SH3BGRL2: variants seen among roughly 807,000 people sequenced by gnomAD.
The protein encoded by SH3BGRL2 is SH3 domain-binding glutamic acid-rich-like protein 2.
A neutral mutation model predicts 14.8 loss-of-function variants in SH3BGRL2; 21 were observed. That is an observed-to-expected ratio of 1.42 (90% CI 1.01 to 2.05). The LOEUF is 2.05. Ranked by LOEUF, SH3BGRL2 falls within the 30% of genes most tolerant of loss-of-function variation. The pLI is 0.00. For synonymous variants in SH3BGRL2, 50 were observed against 47.8 expected, an observed-to-expected ratio of 1.05 and a Z score of -0.19; for missense variants, 147 against 130.8, an observed-to-expected ratio of 1.12 and a Z score of -0.61.
the SH3BGRL2 span, among the ~76,000 whole-genome samples, chr6:79,597,130 T>C: frequency 1.3e-5 from 2 of 151,840 alleles, no homozygotes; most frequent in Non-Finnish European, 2.9e-5. Context: ...CTCAAAAAGC[T>C]GAGGCACAAG....
chr6:79,573,121 T>G, the SH3BGRL2 span, among the ~76,000 whole-genome samples: 1 of 152,196 alleles, frequency 6.6e-6, no homozygotes, highest in African/African-American at 2.4e-5. Flanking sequence ...TCCAAAAGTT[T>G]GAAGATTTTA....
chr6:79,616,251 G>A, the SH3BGRL2 span, among the ~76,000 whole-genome samples: 39 of 152,294 alleles, frequency 2.6e-4, 3 homozygotes, highest in South Asian at 7.2e-3. Context: ...GGCACAGCAT[G>A]CTCACACCAA....
intron 1 of SH3BGRL2, among the ~76,000 whole-genome samples, chr6:79,643,473 A>T (rs1041501678): frequency 6.6e-6 from 1 of 152,220 alleles, no homozygotes; most frequent in Non-Finnish European, 1.5e-5. Flanking sequence ...TGTAGGCATG[A>T]TGTCCTTAGA....
chr6:79,558,592 C>T, the SH3BGRL2 span, among the ~76,000 whole-genome samples: 2 of 151,838 alleles, frequency 1.3e-5, no homozygotes, highest in Non-Finnish European at 2.9e-5. Context: ...TGGCCCGGTG[C>T]GGTGGCTCAT....
chr6:79,684,527 TGGTGTTTTCAGCTCA>T lies in SH3BGRL2; in HGVS notation c.231+10746_231+10760del, dbSNP rs530747950. Among the ~76,000 whole-genome samples the T allele has an allele frequency of 1.9e-4, 29 of 152,198 alleles. No individual in the cohort carries two copies. In the East Asian group the frequency reaches 4.4e-3, roughly 23 times the overall value. On this transcript the variant is annotated intron_variant, in intron 2 of 3. Coordinates refer to ENST00000369838, the MANE Select transcript of SH3BGRL2 (RefSeq NM_031469.4). ...AAACATGGTTATATGAATGGGTAAA[TGGTGTTTTCAGCTCA>T]GGTGTTTTCAGCTCAGGAGGTAGCC...
chr6:79,598,417 A>T, the SH3BGRL2 span, among the ~76,000 whole-genome samples: 2 of 152,256 alleles, frequency 1.3e-5, no homozygotes, highest in African/African-American at 4.8e-5. Context: ...ATGGAAGATT[A>T]TTCAGCAGTA....
chr6:79,619,361 T>C, the SH3BGRL2 span, among the ~76,000 whole-genome samples: 1 of 152,200 alleles, frequency 6.6e-6, no homozygotes, highest in African/African-American at 2.4e-5. Flanking sequence ...TAGCAATTTA[T>C]CCTGGAAAAT....
At chr6:79,647,025 G>T (rs1004414126) in intron 1 of SH3BGRL2, among the ~76,000 whole-genome samples, 4 of 152,186 alleles carry the variant, frequency 2.6e-5, no homozygotes, top group Non-Finnish European at 1.5e-5. Flanking sequence ...TCGTATGAAC[G>T]TATGTTTTCA....
chr6:79,633,330 G>A (rs1768861474), intron 1 of SH3BGRL2, among the ~76,000 whole-genome samples: 1 of 152,110 alleles, frequency 6.6e-6, no homozygotes, highest in Non-Finnish European at 1.5e-5. Flanking sequence ...TAGCTTTAAA[G>A]TATTTTGACT....
At chr6:79,682,449 T>C (rs1470657933) in intron 2 of SH3BGRL2, among the ~76,000 whole-genome samples, 1 of 152,204 alleles carries the variant, frequency 6.6e-6, no homozygotes, top group Non-Finnish European at 1.5e-5. Flanking sequence ...AAGTCTTACA[T>C]AAACACTGCA....
At chr6:79,636,728 G>A (rs1394283) in intron 1 of SH3BGRL2, among the ~76,000 whole-genome samples, 5,512 of 152,186 alleles carry the variant, frequency 0.036, 326 homozygotes, top group African/African-American at 0.12. Context: ...GTGGTTTGCT[G>A]GCGATCTTTG....
At chr6:79,549,089 C>G in the SH3BGRL2 span, among the ~76,000 whole-genome samples, 1 of 152,068 alleles carries the variant, frequency 6.6e-6, no homozygotes. Flanking sequence ...TTCCCAAAGT[C>G]TCCGTGAAAT....
intron 1 of SH3BGRL2, among the ~76,000 whole-genome samples, chr6:79,653,612 A>G (rs1769347419): frequency 6.6e-6 from 1 of 152,232 alleles, no homozygotes; most frequent in Non-Finnish European, 1.5e-5. Flanking sequence ...TAAATAGAGA[A>G]AGGCCTGTGC....
At chr6:79,584,153 T>A in the SH3BGRL2 span, among the ~76,000 whole-genome samples, 2 of 152,164 alleles carry the variant, frequency 1.3e-5, no homozygotes, top group African/African-American at 4.8e-5. Context: ...CCAGCAAACG[T>A]TTTATATTTT....
At chr6:79,619,409 T>C in the SH3BGRL2 span, among the ~76,000 whole-genome samples, 1 of 152,234 alleles carries the variant, frequency 6.6e-6, no homozygotes, top group Non-Finnish European at 1.5e-5. Context: ...TTCTTTATTG[T>C]TACTGTATAC....
intron 1 of SH3BGRL2, among the ~76,000 whole-genome samples, chr6:79,671,139 G>T (rs1379300881): frequency 6.6e-6 from 1 of 152,080 alleles, no homozygotes; most frequent in Non-Finnish European, 1.5e-5. Flanking sequence ...AAAAAACCAG[G>T]TGAGTTGAAG....
At chr6:79,569,062 T>C in the SH3BGRL2 span, among the ~76,000 whole-genome samples, 58 of 152,194 alleles carry the variant, frequency 3.8e-4, no homozygotes, top group South Asian at 7.5e-3. Context: ...TTTTATGCAT[T>C]TTAGGGAGAA....
chr6:79,605,894 A>G, the SH3BGRL2 span, among the ~76,000 whole-genome samples: 1 of 152,124 alleles, frequency 6.6e-6, no homozygotes. Context: ...GAAATATAAC[A>G]CTCTTAGTAG....
At chr6:79,574,619 T>C in the SH3BGRL2 span, 10 of 152,232 alleles carry the variant, frequency 6.6e-5, no homozygotes, top group African/African-American at 2.2e-4. Flanking sequence ...TGGTGGTGAT[T>C]GTTATAAAAC....
Sources: allele counts gnomAD v4.1 joint callset (sites outside exome capture counted in the v4.1 genomes callset), GRCh38; gene constraint gnomAD v4.1.1; transcripts MANE v1.5; gene names NCBI Gene and HGNC (gene_info 2026-07-23, HGNC 2026-07-21).